CDH9: variants seen among roughly 807,000 people sequenced by gnomAD.
CDH9 encodes cadherin 9.
In CDH9, 28 loss-of-function variants were observed where a neutral mutation model predicts 70.9. That is an observed-to-expected ratio of 0.40 (90% confidence interval 0.29 to 0.54). The LOEUF (loss-of-function observed/expected upper bound fraction) is 0.54. CDH9 is among the 20% of genes least tolerant of loss of function. CDH9 has a pLI of 0.59. For synonymous variants in CDH9, 409 were observed against 343.1 expected, an observed-to-expected ratio of 1.19 and a Z score of -2.12; for missense variants, 874 against 984.4, an observed-to-expected ratio of 0.89 and a Z score of 1.50.
intron 2 of CDH9, among the ~76,000 whole-genome samples, chr5:26,980,379 G>T (rs1282537610): frequency 1.3e-5 from 2 of 151,570 alleles, no homozygotes; most frequent in African/African-American, 4.8e-5. Flanking sequence ...TTCTGGCTAC[G>T]AATTAGAATA....
intron 2 of CDH9, among the ~76,000 whole-genome samples, chr5:26,949,922 T>G (rs1334158885): frequency 6.6e-6 from 1 of 152,208 alleles, no homozygotes; most frequent in Non-Finnish European, 1.5e-5. Flanking sequence ...AAAGAAAGGT[T>G]ATGAGATATC....
At chr5:27,017,918 G>GTT (rs34168195) in intron 1 of CDH9, among the ~76,000 whole-genome samples, 68,051 of 151,310 alleles carry the variant, frequency 0.45, 16,072 homozygotes, top group Non-Finnish European at 0.5. Flanking sequence ...AGTATACATT[G>GTT]TTTTTTTATT....
chr5:26,928,322 A>C (rs1741382032), intron 2 of CDH9, among the ~76,000 whole-genome samples: 1 of 152,036 alleles, frequency 6.6e-6, no homozygotes, highest in Non-Finnish European at 1.5e-5. Flanking sequence ...TAAAATCTAT[A>C]AAACATTAAT....
intron 2 of CDH9, among the ~76,000 whole-genome samples, chr5:26,972,634 G>A (rs76223450): frequency 0.2 from 29,952 of 152,092 alleles, 3,854 homozygotes; most frequent in Non-Finnish European, 0.28. Context: ...AATCAGTGTC[G>A]TTAAAGGATC....
chr5:26,928,359 TAGAA>T (rs1741382937), intron 2 of CDH9, among the ~76,000 whole-genome samples: 1 of 152,110 alleles, frequency 6.6e-6, no homozygotes, highest in South Asian at 2.1e-4. Flanking sequence ...TGCAATAAAA[TAGAA>T]AGAATTTTAT....
chr5:26,965,697 C>T (rs979807795), intron 2 of CDH9, among the ~76,000 whole-genome samples: 16 of 151,376 alleles, frequency 1.1e-4, no homozygotes, highest in Admixed American at 3.3e-4. Context: ...TTATTTTAGC[C>T]TAATTATCTG....
At chr5:26,971,127 A>G (rs1742212501) in intron 2 of CDH9, among the ~76,000 whole-genome samples, 1 of 152,180 alleles carries the variant, frequency 6.6e-6, no homozygotes, top group South Asian at 2.1e-4. Flanking sequence ...CAAAGCTAAA[A>G]TGGGAGCCTC....
At chr5:27,005,516 A>G (rs1265281882) in intron 1 of CDH9, among the ~76,000 whole-genome samples, 1 of 152,134 alleles carries the variant, frequency 6.6e-6, no homozygotes, top group East Asian at 1.9e-4. Flanking sequence ...GTCAAAAAGT[A>G]ACAGATGCTG....
intron 2 of CDH9, among the ~76,000 whole-genome samples, chr5:26,981,495 T>G (rs1239512770): frequency 6.6e-6 from 1 of 152,126 alleles, no homozygotes; most frequent in East Asian, 1.9e-4. Flanking sequence ...TTCAGTCTAC[T>G]GTTGGCTGAA....
intron 6 of CDH9, chr5:26,903,228 G>A: frequency 3.2e-6 from 1 of 311,956 alleles, no homozygotes; most frequent in Non-Finnish European, 6.1e-6. Flanking sequence ...CTCCCACATT[G>A]CATTGAAAAT....
chr5:26,972,209 C>T (rs1299249634), intron 2 of CDH9, among the ~76,000 whole-genome samples: 1 of 151,980 alleles, frequency 6.6e-6, no homozygotes, highest in East Asian at 1.9e-4. Context: ...GTAATAAGAC[C>T]AGTTAGGGGT....
At chr5:26,896,520 G>T (rs1187315873) in intron 7 of CDH9, among the ~76,000 whole-genome samples, 3 of 135,508 alleles carry the variant, frequency 2.2e-5, no homozygotes, top group African/African-American at 8.2e-5. Context: ...AGAATGAAAT[G>T]AAAATTTCAT....
intron 1 of CDH9, among the ~76,000 whole-genome samples, chr5:26,990,380 A>T (rs902402565): frequency 6.6e-6 from 1 of 152,220 alleles, no homozygotes; most frequent in Non-Finnish European, 1.5e-5. Flanking sequence ...ATATGGTTAC[A>T]AATATATGCT....
At chr5:26,922,900 T>C (rs1299519337) in intron 2 of CDH9, among the ~76,000 whole-genome samples, 2 of 151,594 alleles carry the variant, frequency 1.3e-5, no homozygotes, top group Non-Finnish European at 2.9e-5. Context: ...CTTGCTTGTT[T>C]GTTTATGCAG....
intron 1 of CDH9, among the ~76,000 whole-genome samples, chr5:27,020,338 ATTAC>A (rs541165159): frequency 1.5e-4 from 23 of 151,772 alleles, no homozygotes; most frequent in Admixed American, 4.6e-4. Flanking sequence ...GTGTAAAATA[ATTAC>A]TTAACTTCTT....
chr5:27,035,734 G>T (rs1008072938), intron 1 of CDH9, among the ~76,000 whole-genome samples: 3 of 151,152 alleles, frequency 2.0e-5, no homozygotes, highest in Non-Finnish European at 4.4e-5. Context: ...GTGTGTGTAT[G>T]TGTGTCCTTG....
intron 1 of CDH9, among the ~76,000 whole-genome samples, chr5:27,007,851 T>A (rs1263202795): frequency 6.6e-6 from 1 of 152,170 alleles, no homozygotes; most frequent in East Asian, 1.9e-4. Flanking sequence ...TGTGAATTGA[T>A]ACCCATAGTC....
In CDH9 at chr5:26,885,636, T is replaced by C. The variant is rs1740551114; in HGVS notation, c.1860A>G (p.Leu620=). ...GLSTGALVAI[L]LCVLILLILV... ...TACTAAGCAGTATGAGGACACAGAG[T>C]AGAATCGCAACGAGAGCTCCCGTGC... Residue 620 remains leucine, a synonymous_variant, in exon 11 of 12, where the codon CTA becomes CTG. Coordinates refer to ENST00000231021, the MANE Select transcript of CDH9 (RefSeq NM_016279.4). 3 of 1,613,070 alleles carry C rather than the reference T, an allele frequency of 1.9e-6. No individual in the cohort carries two copies. The highest frequency in any genetic ancestry group is 2.5e-6 in the Non-Finnish European group (3 of 1,179,814).
chr5:26,933,481 T>TAA (rs983948114), intron 2 of CDH9, among the ~76,000 whole-genome samples: 2 of 145,358 alleles, frequency 1.4e-5, no homozygotes, highest in Non-Finnish European at 3.0e-5. Flanking sequence ...CCAGGCTAAC[T>TAA]AAAAAAAAAA....
Sources: gnomAD v4.1 joint callset for allele counts (sites outside exome capture counted in the v4.1 genomes callset) on GRCh38, gnomAD v4.1.1 for gene constraint, MANE v1.5 for transcripts, NCBI Gene and HGNC (gene_info 2026-07-23, HGNC 2026-07-21) for gene names.